HS6ST3: variants seen among roughly 807,000 people sequenced by gnomAD.
HS6ST3 encodes the protein heparan-sulfate 6-O-sulfotransferase 3.
Under a neutral mutation model 36.7 loss-of-function variants are expected in HS6ST3, and 12 were observed. That is an observed-to-expected ratio of 0.33 (90% confidence interval 0.21 to 0.53). The LOEUF is 0.53. Ranked by LOEUF, HS6ST3 falls within the 20% of genes least tolerant of loss-of-function variation. HS6ST3 has a pLI of 0.95. For synonymous variants in HS6ST3, 240 were observed against 257.5 expected (o/e 0.93, Z 0.65); for missense variants, 584 against 640.9 (o/e 0.91, Z 0.96).
chr13:96,178,945 G>T (rs533930393), intron 1 of HS6ST3, among the ~76,000 whole-genome samples: 1 of 152,160 alleles, frequency 6.6e-6, no homozygotes, highest in Non-Finnish European at 1.5e-5. Flanking sequence ...TTGGCATTGG[G>T]CCAAATACTA....
intron 1 of HS6ST3, among the ~76,000 whole-genome samples, chr13:96,499,029 ATTTT>A (rs5805974): frequency 7.9e-6 from 1 of 126,838 alleles, no homozygotes. Flanking sequence ...TTGTTCACAC[ATTTT>A]TTTTTTTTTT....
intron 1 of HS6ST3, among the ~76,000 whole-genome samples, chr13:96,628,549 G>T (rs2138999377): frequency 6.6e-6 from 1 of 152,128 alleles, no homozygotes; most frequent in African/African-American, 2.4e-5. Flanking sequence ...TGTTTGCTCA[G>T]TCTATCAATT....
rs564641892 is a variant in HS6ST3 at position 96,253,548 on chromosome 13, T to C, written c.707+161979T>C. On this transcript the variant is annotated intron_variant, in intron 1 of 1. Coordinates refer to ENST00000376705, the MANE Select transcript of HS6ST3 (RefSeq NM_153456.4). ...AGACTTCAGGGCTCCCACAAAGTAC[T>C]CTCATCCATGAGTGGTCACCAAAAT... Among the ~76,000 whole-genome samples the C allele has an allele frequency of 7.3e-4, 111 of 152,282 alleles. 1 individual carries two copies. Among genetic ancestry groups the C allele is most frequent in the African/African-American group, 2.6e-3 (110 of 41,574 alleles).
chr13:96,593,625 G>C (rs1444331274), intron 1 of HS6ST3, among the ~76,000 whole-genome samples: 1 of 151,258 alleles, frequency 6.6e-6, no homozygotes, highest in African/African-American at 2.4e-5. Context: ...CAGAATTTCT[G>C]CTTGATTCTT....
At chr13:96,390,700 C>G (rs1454801209) in intron 1 of HS6ST3, among the ~76,000 whole-genome samples, 1 of 152,190 alleles carries the variant, frequency 6.6e-6, no homozygotes, top group African/African-American at 2.4e-5. Flanking sequence ...CCAAATCCTG[C>G]TATTTTTTAC....
At chr13:96,808,550 G>T (rs984170285) in intron 1 of HS6ST3, among the ~76,000 whole-genome samples, 1 of 152,182 alleles carries the variant, frequency 6.6e-6, no homozygotes, top group African/African-American at 2.4e-5. Context: ...GGATAGACAC[G>T]TGACTTGAAC....
intron 1 of HS6ST3, among the ~76,000 whole-genome samples, chr13:96,414,443 T>C (rs1404101915): frequency 1.3e-5 from 2 of 152,218 alleles, no homozygotes; most frequent in African/African-American, 4.8e-5. Flanking sequence ...TAGGTTTGTG[T>C]GATATCAACT....
At chr13:96,383,551 C>T (rs545899346) in intron 1 of HS6ST3, among the ~76,000 whole-genome samples, 27 of 152,290 alleles carry the variant, frequency 1.8e-4, no homozygotes, top group Admixed American at 1.6e-3. Flanking sequence ...ATGAACCACA[C>T]CTGGTGACAG....
chr13:96,407,754 T>A (rs2055486231), intron 1 of HS6ST3, among the ~76,000 whole-genome samples: 1 of 152,058 alleles, frequency 6.6e-6, no homozygotes, highest in Non-Finnish European at 1.5e-5. Flanking sequence ...ATTTGAAAAA[T>A]TTGAGAATAA....
intron 1 of HS6ST3, among the ~76,000 whole-genome samples, chr13:96,160,802 A>G (rs1341208124): frequency 1.3e-5 from 2 of 152,200 alleles, no homozygotes; most frequent in African/African-American, 2.4e-5. Flanking sequence ...ATGTACAGGT[A>G]CACTACAGGA....
chr13:96,626,479 T>A (rs1242269387), intron 1 of HS6ST3, among the ~76,000 whole-genome samples: 1 of 152,212 alleles, frequency 6.6e-6, no homozygotes, highest in Non-Finnish European at 1.5e-5. Context: ...TTTAAATGTA[T>A]TTAAACAAGA....
At chr13:96,691,043 G>GTGTCT (rs2138445113) in intron 1 of HS6ST3, among the ~76,000 whole-genome samples, 1 of 152,194 alleles carries the variant, frequency 6.6e-6, no homozygotes, top group East Asian at 1.9e-4. Flanking sequence ...TCTGCACAAT[G>GTGTCT]GCAAATATTA....
intron 1 of HS6ST3, among the ~76,000 whole-genome samples, chr13:96,524,715 T>A (rs1409978797): frequency 6.6e-6 from 1 of 152,192 alleles, no homozygotes; most frequent in Non-Finnish European, 1.5e-5. Context: ...GTGGGGAAAG[T>A]GCAGTATTTG....
intron 1 of HS6ST3, among the ~76,000 whole-genome samples, chr13:96,789,499 G>T (rs867509798): frequency 2.6e-5 from 4 of 151,816 alleles, no homozygotes; most frequent in Non-Finnish European, 5.9e-5. Context: ...CAGGTTATCT[G>T]CCATTTCTGT....
At chr13:96,164,482 A>G (rs916714609) in intron 1 of HS6ST3, among the ~76,000 whole-genome samples, 2 of 151,816 alleles carry the variant, frequency 1.3e-5, no homozygotes, top group Admixed American at 1.3e-4. Context: ...GCTTGAGCCC[A>G]GGAGTTTGAG....
intron 1 of HS6ST3, among the ~76,000 whole-genome samples, chr13:96,485,960 C>T (rs142232232): frequency 0.051 from 7,718 of 151,848 alleles, 240 homozygotes; most frequent in Middle Eastern, 0.072. Flanking sequence ...GTGTGCTGCA[C>T]CCGTTAACTC....
chr13:96,494,820 C>T lies in HS6ST3; in HGVS notation c.708-337670C>T, dbSNP rs188472134. ...GAATAAAACTGACTGCTATATTGTT[C>T]CTGGTCCTACTTATCTGTGCTTTGG... On this transcript the variant is annotated intron_variant, in intron 1 of 1. Transcript: ENST00000376705. Among the ~76,000 whole-genome samples, 875 of 152,266 alleles carry T rather than the reference C, an allele frequency of 5.7e-3. 5 individuals carry two copies. Among genetic ancestry groups the T allele is most frequent in the Non-Finnish European group, 9.1e-3 (619 of 68,014 alleles).
At chr13:96,236,802 C>T (rs1235203756) in intron 1 of HS6ST3, among the ~76,000 whole-genome samples, 4 of 152,176 alleles carry the variant, frequency 2.6e-5, no homozygotes, top group African/African-American at 9.7e-5. Context: ...TGGCTCTGTC[C>T]TTTCATCTGC....
intron 1 of HS6ST3, among the ~76,000 whole-genome samples, chr13:96,655,267 C>A (rs2056620938): frequency 6.6e-6 from 1 of 152,070 alleles, no homozygotes; most frequent in African/African-American, 2.4e-5. Flanking sequence ...CTGACAGTCG[C>A]CTGCCAACTT....
Sources: allele counts gnomAD v4.1 joint callset (sites outside exome capture counted in the v4.1 genomes callset), GRCh38; gene constraint gnomAD v4.1.1; transcripts MANE v1.5; gene names NCBI Gene and HGNC (gene_info 2026-07-23, HGNC 2026-07-21).